IFT74: variants seen among roughly 807,000 people sequenced by gnomAD.
IFT74 encodes intraflagellar transport protein 74 homolog.
A neutral mutation model predicts 96.7 loss-of-function variants in IFT74; 92 were observed. That is an observed-to-expected ratio of 0.95 (90% CI 0.80 to 1.13). IFT74 has a LOEUF of 1.13. Among genes scored for constraint, IFT74 ranks in the 50% most tolerant of loss-of-function variants. IFT74 has a pLI of 0.00. For synonymous variants in IFT74, 223 were observed against 213.2 expected (o/e 1.05, Z -0.40); for missense variants, 811 against 698.2 (o/e 1.16, Z -1.82).
intron 13 of IFT74, among the ~76,000 whole-genome samples, chr9:27,043,813 C>A (rs1240853685): frequency 1.3e-5 from 2 of 152,184 alleles, no homozygotes; most frequent in African/African-American, 2.4e-5. Context: ...TAATAATTCA[C>A]TACTTTCCAT....
rs377743443 is a variant in IFT74 at position 26,967,381 on chromosome 9, T to A, written c.120+5294T>A. Among the ~76,000 whole-genome samples, 4 of 152,288 alleles carry A rather than the reference T, an allele frequency of 2.6e-5. No individual in the cohort carries two copies. The East Asian group carries it at 7.7e-4, about 29-fold the overall frequency. On this transcript the variant is annotated intron_variant, in intron 2 of 19. Transcript: ENST00000380062. ...TTGTAAATGGGATAACTTTCTTGATTTTTTTCATGTTGTTCCCTGTTAGCA... is the reference window on the plus strand; with the variant it reads ...TTGTAAATGGGATAACTTTCTTGATATTTTTCATGTTGTTCCCTGTTAGCA...
intron 9 of IFT74, among the ~76,000 whole-genome samples, chr9:27,009,380 C>A (rs1218141080): frequency 6.6e-6 from 1 of 152,116 alleles, no homozygotes; most frequent in Non-Finnish European, 1.5e-5. Flanking sequence ...CTAGCTTTTA[C>A]TCTTATTATT....
At chr9:27,062,544 C>T in intron 19 of IFT74, 74 bp from the exon 20 acceptor site, 1 of 744,778 alleles carries the variant, frequency 1.3e-6, no homozygotes, top group Non-Finnish European at 2.3e-6. Flanking sequence ...TGAAAAATGT[C>T]AGTATTTAGT....
At chr9:27,029,609 G>A (rs1035586519) in intron 13 of IFT74, among the ~76,000 whole-genome samples, 4 of 152,124 alleles carry the variant, frequency 2.6e-5, no homozygotes, top group East Asian at 1.9e-4. Context: ...TTAGCCGGGC[G>A]TGGTGGCACA....
intron 16 of IFT74, among the ~76,000 whole-genome samples, chr9:27,051,009 TTA>T (rs1819895666): frequency 6.6e-6 from 1 of 152,122 alleles, no homozygotes; most frequent in South Asian, 2.1e-4. Flanking sequence ...GTGAGGCTAT[TTA>T]TAGTTTTTAA....
At chr9:26,984,085 G>C in intron 4 of IFT74, 172 bp from the exon 5 acceptor site, 1 of 498,062 alleles carries the variant, frequency 2.0e-6, no homozygotes, top group Non-Finnish European at 3.3e-6. Flanking sequence ...CACCCAGCCA[G>C]AATATACCTC....
chr9:26,987,063 T>A (rs1827672540), intron 6 of IFT74, among the ~76,000 whole-genome samples: 1 of 152,186 alleles, frequency 6.6e-6, no homozygotes, highest in South Asian at 2.1e-4. Flanking sequence ...TTTTTTGTTC[T>A]TCTTGAGATG....
intron 12 of IFT74, among the ~76,000 whole-genome samples, chr9:27,024,391 G>A (rs1010817064): frequency 6.6e-6 from 1 of 152,122 alleles, no homozygotes; most frequent in Non-Finnish European, 1.5e-5. Context: ...AGCTCTGGTG[G>A]GTGGCTAGAC....
intron 8 of IFT74, chr9:26,996,632 G>T: frequency 1.9e-6 from 1 of 516,856 alleles, no homozygotes. Flanking sequence ...TGTTGTATTT[G>T]TCTAGCAACA....
chr9:27,038,925 A>G (rs1048658415), intron 13 of IFT74, among the ~76,000 whole-genome samples: 1 of 152,190 alleles, frequency 6.6e-6, no homozygotes, highest in Non-Finnish European at 1.5e-5. Flanking sequence ...AAGGAGAAAC[A>G]GCTTCCTAGA....
intron 8 of IFT74, chr9:26,998,346 GA>G (rs926676241): frequency 4.8e-6 from 3 of 631,328 alleles, no homozygotes; most frequent in Admixed American, 3.7e-5. Flanking sequence ...GTTATTTTGG[GA>G]AAAAAACCTA....
At chr9:27,006,828 T>A (rs1322053385) in intron 8 of IFT74, among the ~76,000 whole-genome samples, 3 of 139,448 alleles carry the variant, frequency 2.2e-5, no homozygotes, top group Non-Finnish European at 4.6e-5. Flanking sequence ...CTTATTATTG[T>A]GTGTTTTTTT....
At chr9:26,962,654 C>T (rs1723828466) in intron 2 of IFT74, among the ~76,000 whole-genome samples, 1 of 152,158 alleles carries the variant, frequency 6.6e-6, no homozygotes, top group Non-Finnish European at 1.5e-5. Flanking sequence ...CAGAATTCTA[C>T]ATAGCTTAGA....
chr9:27,007,594 A>T (rs757935904), intron 8 of IFT74, among the ~76,000 whole-genome samples: 8 of 152,254 alleles, frequency 5.3e-5, no homozygotes, highest in Non-Finnish European at 1.0e-4. Context: ...TTGCTTTACT[A>T]TGTTCATCTT....
intron 16 of IFT74, among the ~76,000 whole-genome samples, chr9:27,052,281 G>A (rs532849391): frequency 5.3e-5 from 8 of 152,194 alleles, no homozygotes; most frequent in South Asian, 2.1e-4. Flanking sequence ...AGGCCAAGGC[G>A]GGCGGATCAT....
chr9:26,963,887 C>T (rs527423519), intron 2 of IFT74, among the ~76,000 whole-genome samples: 12 of 152,032 alleles, frequency 7.9e-5, no homozygotes, highest in Admixed American at 2.0e-4. Flanking sequence ...GAGTAGGTTG[C>T]GAAAATGTTC....
rs1436223699 is a variant in IFT74 at position 27,011,943 on chromosome 9, A to T, written c.764A>T (p.Asn255Ile). 3 of 1,588,622 alleles carry T rather than the reference A, an allele frequency of 1.9e-6. No individual in the cohort carries two copies. The African/African-American group carries it at 4.1e-5, about 22-fold the overall frequency. The change falls in exon 10 of 20, where the codon AAC becomes ATC. Residue 255 changes from asparagine to isoleucine, a missense_variant. Coordinates refer to ENST00000380062, the MANE Select transcript of IFT74 (RefSeq NM_025103.4). ...CTTCAACAACAATTGGATTCACAGA[A>T]CATGAAAAAAGAGAGCCTGGAAGCA... ...DTLQQQLDSQ[N>I]MKKESLEAEI... is the part of the protein sequence containing the mutation.
At chr9:27,036,769 C>T in intron 13 of IFT74, 1 of 1,158,102 alleles carries the variant, frequency 8.6e-7, no homozygotes, top group Non-Finnish European at 1.1e-6. Context: ...TGTCTCTCAA[C>T]AAGAAAATAA....
At chr9:27,005,890 A>T (rs558903639) in intron 8 of IFT74, among the ~76,000 whole-genome samples, 1 of 151,978 alleles carries the variant, frequency 6.6e-6, no homozygotes, top group East Asian at 1.9e-4. Context: ...TTCAGGCTGG[A>T]GTGCAGTGGC....
Sources: gnomAD v4.1 joint callset for allele counts (sites outside exome capture counted in the v4.1 genomes callset) on GRCh38, gnomAD v4.1.1 for gene constraint, MANE v1.5 for transcripts, NCBI Gene and HGNC (gene_info 2026-07-23, HGNC 2026-07-21) for gene names.